The following GLIS3 variants were observed in gnomAD, a reference collection of about 807,000 sequenced individuals.
The protein encoded by GLIS3 is GLIS family zinc finger 3.
Under a neutral mutation model 78.6 loss-of-function variants are expected in GLIS3, and 53 were observed. The observed-to-expected ratio is 0.67, with a 90% confidence interval of 0.54 to 0.85. The LOEUF is 0.85. Ranked by LOEUF, GLIS3 falls within the 40% of genes least tolerant of loss-of-function variation. GLIS3 has a pLI of 0.00. For missense variants in GLIS3, 1,703 were observed against 1,231.1 expected, an observed-to-expected ratio of 1.38 and a Z score of -5.74; for synonymous variants, 684 against 509.9, an observed-to-expected ratio of 1.34 and a Z score of -4.60.
chr9:4,445,273 T>C, the GLIS3 span, among the ~76,000 whole-genome samples: 1 of 152,206 alleles, frequency 6.6e-6, no homozygotes, highest in Non-Finnish European at 1.5e-5. Context: ...GTAGCATTTT[T>C]CATCACTGTT....
intron 4 of GLIS3, among the ~76,000 whole-genome samples, chr9:3,962,399 GA>G (rs1817627388): frequency 6.6e-6 from 1 of 152,142 alleles, no homozygotes; most frequent in African/African-American, 2.4e-5. Flanking sequence ...AGAGAGGCTA[GA>G]AATACCTGGT....
At chr9:3,857,611 C>A (rs531524349) in intron 8 of GLIS3, among the ~76,000 whole-genome samples, 1 of 152,112 alleles carries the variant, frequency 6.6e-6, no homozygotes, top group Non-Finnish European at 1.5e-5. Flanking sequence ...GAAGTCAAGG[C>A]GAGGAGCTTA....
chr9:4,233,812 C>A (rs1356923590), intron 2 of GLIS3, among the ~76,000 whole-genome samples: 2 of 152,220 alleles, frequency 1.3e-5, no homozygotes, highest in Non-Finnish European at 2.9e-5. Context: ...GTTTTATCTA[C>A]ATTGAAAGTC....
chr9:4,138,812 G>A (rs1166881212), intron 2 of GLIS3, among the ~76,000 whole-genome samples: 1 of 152,186 alleles, frequency 6.6e-6, no homozygotes, highest in East Asian at 1.9e-4. Context: ...CCAGCACACA[G>A]TAAGTACTCT....
intron 2 of GLIS3, among the ~76,000 whole-genome samples, chr9:4,341,964 A>C (rs963241673): frequency 6.6e-6 from 1 of 151,594 alleles, no homozygotes; most frequent in Non-Finnish European, 1.5e-5. Flanking sequence ...TTGCTTGTTA[A>C]TTTGCTTAAG....
the GLIS3 span, among the ~76,000 whole-genome samples, chr9:4,418,262 G>T: frequency 1.2e-5 from 1 of 80,380 alleles, no homozygotes; most frequent in African/African-American, 5.0e-5. Flanking sequence ...CCACAAATAT[G>T]TATTGCAAAA....
intron 4 of GLIS3, among the ~76,000 whole-genome samples, chr9:4,102,176 A>G (rs888688271): frequency 6.6e-6 from 1 of 152,184 alleles, no homozygotes; most frequent in Non-Finnish European, 1.5e-5. Context: ...CAGTATTTCT[A>G]TAAGAAAACC....
the GLIS3 span, among the ~76,000 whole-genome samples, chr9:4,450,395 G>C: frequency 6.6e-6 from 1 of 152,170 alleles, no homozygotes; most frequent in African/African-American, 2.4e-5. Context: ...AAGTGATGGG[G>C]AGAATGGAAC....
chr9:4,480,063 T>C, the GLIS3 span, among the ~76,000 whole-genome samples: 2 of 151,880 alleles, frequency 1.3e-5, no homozygotes, highest in Non-Finnish European at 2.9e-5. Flanking sequence ...CGCCTGGCCT[T>C]GACCAGAAAA....
chr9:4,019,923 C>T (rs939869671), intron 4 of GLIS3, among the ~76,000 whole-genome samples: 1 of 150,810 alleles, frequency 6.6e-6, no homozygotes, highest in African/African-American at 2.5e-5. Flanking sequence ...ATCTGGCTAA[C>T]ATATAAATTT....
the GLIS3 span, among the ~76,000 whole-genome samples, chr9:4,370,203 A>C: frequency 5.6e-5 from 8 of 143,800 alleles, no homozygotes; most frequent in Non-Finnish European, 1.1e-4. Context: ...AAAAAAAAAA[A>C]CAACCAAAAA....
intron 2 of GLIS3, among the ~76,000 whole-genome samples, chr9:4,220,438 G>T (rs1821224543): frequency 6.6e-6 from 1 of 152,188 alleles, no homozygotes; most frequent in Non-Finnish European, 1.5e-5. Context: ...CAGTATCTTA[G>T]CCAAGGGATA....
intron 6 of GLIS3, among the ~76,000 whole-genome samples, chr9:3,913,979 G>C (rs1021389860): frequency 2.6e-5 from 4 of 152,066 alleles, no homozygotes; most frequent in African/African-American, 9.7e-5. Context: ...TAACCTTTGG[G>C]GTAGGCCCCA....
chr9:4,257,909 T>C (rs1443436038), intron 2 of GLIS3, among the ~76,000 whole-genome samples: 6 of 152,186 alleles, frequency 3.9e-5, no homozygotes, highest in Non-Finnish European at 5.9e-5. Flanking sequence ...TAAAATATCG[T>C]GTTTTACATT....
At chr9:4,124,552 G>A (rs1832426056) in intron 3 of GLIS3, among the ~76,000 whole-genome samples, 1 of 152,162 alleles carries the variant, frequency 6.6e-6, no homozygotes, top group Non-Finnish European at 1.5e-5. Context: ...GTCCCTTAAG[G>A]CATAATCATC....
chr9:4,218,507 T>C (rs992415504), intron 2 of GLIS3, among the ~76,000 whole-genome samples: 2 of 152,218 alleles, frequency 1.3e-5, no homozygotes, highest in African/African-American at 2.4e-5. Context: ...CTTGATCTCT[T>C]GACCTCGTGA....
chr9:4,167,794 A>T (rs534210833), intron 2 of GLIS3, among the ~76,000 whole-genome samples: 1 of 152,278 alleles, frequency 6.6e-6, no homozygotes, highest in Non-Finnish European at 1.5e-5. Flanking sequence ...TTATTTTCTA[A>T]CAGAGGGACT....
chr9:4,420,596 A>T, the GLIS3 span, among the ~76,000 whole-genome samples: 2 of 152,126 alleles, frequency 1.3e-5, no homozygotes, highest in Non-Finnish European at 2.9e-5. Flanking sequence ...CCTAATGTTT[A>T]ATCCTTCTGA....
chr9:3,976,516 C>A (rs1374916733), intron 4 of GLIS3, among the ~76,000 whole-genome samples: 1 of 151,728 alleles, frequency 6.6e-6, no homozygotes, highest in African/African-American at 2.4e-5. Flanking sequence ...CTCAGTAACT[C>A]CTTCCCCTTT....
Sources: allele counts gnomAD v4.1 joint callset (sites outside exome capture counted in the v4.1 genomes callset), GRCh38; gene constraint gnomAD v4.1.1; transcripts MANE v1.5; gene names NCBI Gene and HGNC (gene_info 2026-07-23, HGNC 2026-07-21).